Variants in PWWP3A observed in about 807,000 individuals in gnomAD.
PWWP3A encodes PWWP domain-containing DNA repair factor 3A.
Under a neutral mutation model 79.0 loss-of-function variants are expected in PWWP3A, and 53 were observed. The ratio of observed to expected loss-of-function variants is 0.67; its 90% CI spans 0.54 to 0.84. The LOEUF (loss-of-function observed/expected upper bound fraction) is 0.84. PWWP3A is among the 40% of genes least tolerant of loss of function. The pLI is 0.00. For synonymous variants in PWWP3A, 443 were observed against 394.4 expected, an observed-to-expected ratio of 1.12 and a Z score of -1.46; for missense variants, 973 against 948.0, an observed-to-expected ratio of 1.03 and a Z score of -0.35.
At chr19:1,374,212 C>G (rs555222321) in intron 13 of PWWP3A, 1 of 151,980 alleles carries the variant, frequency 6.6e-6, no homozygotes, top group African/African-American at 2.4e-5. Flanking sequence ...TCTGGGTTGC[C>G]GACATCAAAA....
chr19:1,368,905 ACCTGCGTTCAGACCAGCCCAAGCCATCG>A lies in PWWP3A; in HGVS notation c.1423-359_1423-332del, dbSNP rs2082187989. Among the ~76,000 whole-genome samples, 4 of 138,402 alleles carry A rather than the reference ACCTGCGTTCAGACCAGCCCAAGCCATCG, an allele frequency of 2.9e-5. No individual in the cohort carries two copies. The highest frequency in any genetic ancestry group is 8.5e-5 in the African/African-American group (3 of 35,130). The allele number at this position is 138,402 out of a possible 152,430, so 90.8% of individuals were successfully genotyped here. On this transcript the variant is annotated intron_variant, in intron 9 of 13. Coordinates refer to ENST00000591337, the MANE Select transcript of PWWP3A (RefSeq NM_001369789.1). The surrounding 1 kb of genome is among the most constrained non-coding windows in gnomAD (Gnocchi z 4.7). ...CCAAGCCATCGGGTCCCCGGTGCCC[ACCTGCGTTCAGACCAGCCCAAGCCATCG>A]GGTCCCCGGTGCCCACCTGCGTTCA...
At position 1,360,342 on chromosome 19, in the gene PWWP3A, G is replaced by A. The variant is rs779883931; in HGVS notation, c.421G>A (p.Gly141Arg). 1.6e-5 allele frequency: 26 copies of A among 1,614,140 alleles called. No individual in the cohort carries two copies. Among genetic ancestry groups the A allele is most frequent in the Non-Finnish European group, 2.0e-5 (24 of 1,180,008 alleles). Residue 141 changes from glycine to arginine, a missense_variant, in exon 5 of 14, where the codon GGA (glycine) becomes AGA (arginine). Transcript: ENST00000591337. The surrounding 1 kb of genome is among the most constrained non-coding windows in gnomAD (Gnocchi z 4.4). ...TTCGAACTCCTCATCTCTTCCCCGCGGAGACGTGTTGGGCAGTTCCAGACC... is the reference window on the plus strand; with the variant it reads ...TTCGAACTCCTCATCTCTTCCCCGCAGAGACGTGTTGGGCAGTTCCAGACC... ...CDSNSSSLPR[G>R]DVLGSSRPHR...
At chr19:1,376,286 C>T (rs1401734280) in intron 13 of PWWP3A, among the ~76,000 whole-genome samples, 3 of 134,960 alleles carry the variant, frequency 2.2e-5, no homozygotes, top group Non-Finnish European at 4.7e-5. Context: ...CCACCACGCC[C>T]GGCTGTTTGT....
At chr19:1,356,285 C>T in intron 1 of PWWP3A, 39 bp from the exon 2 acceptor site, 1 of 1,092,210 alleles carries the variant, frequency 9.2e-7, no homozygotes, top group Non-Finnish European at 1.4e-6. Flanking sequence ...ACATCGCCAG[C>T]AAACAGTTGT....
intron 4 of PWWP3A, 178 bp downstream of exon 4, chr19:1,358,642 A>G (rs761385359): frequency 1.3e-6 from 2 of 1,535,684 alleles, no homozygotes; most frequent in South Asian, 2.4e-5. Flanking sequence ...GCTTTCTTAA[A>G]CCTTTCCAGA....
intron 6 of PWWP3A, among the ~76,000 whole-genome samples, chr19:1,362,755 A>T (rs1245150302): frequency 1.3e-5 from 2 of 152,206 alleles, no homozygotes; most frequent in Admixed American, 1.3e-4. Flanking sequence ...GGGGCTGTCC[A>T]GGGAGGCAGG....
intron 13 of PWWP3A, 103 bp downstream of exon 13, chr19:1,373,263 T>C: frequency 9.8e-7 from 1 of 1,024,318 alleles, no homozygotes. Flanking sequence ...GCAGCCCCTC[T>C]CCCTCATGAG....
At chr19:1,357,565 C>T (rs371730349) in intron 3 of PWWP3A, 6 of 153,628 alleles carry the variant, frequency 3.9e-5, no homozygotes, top group East Asian at 3.8e-4. Context: ...CAGCGTTTAA[C>T]GTTCAAAAGG....
At chr19:1,358,499 CATAAA>C (rs1307495403) in intron 4 of PWWP3A, 35 bp downstream of exon 4, 7 of 1,610,820 alleles carry the variant, frequency 4.3e-6, no homozygotes, top group Non-Finnish European at 5.1e-6. Context: ...ACTAGGTTTT[CATAAA>C]ATAAGAGGTC....
In PWWP3A at chr19:1,376,728, C is replaced by T; in HGVS notation, c.*152C>T. 7.0e-6 allele frequency: 4 copies of T among 574,078 alleles called. No homozygotes were observed. The highest frequency in any genetic ancestry group is 2.4e-5 in the South Asian group (1 of 41,732). 35.6% of individuals were successfully genotyped at this position (574,078 alleles called of 1,614,324 possible). A position where few individuals can be genotyped will look rare whatever the true frequency, so the allele number is the denominator to read the frequency against. On this transcript the variant is annotated 3_prime_UTR_variant, in exon 14 of 14. Transcript: ENST00000591337. ...CGTGGCAGTCCTGATTTCCATGCTT[C>T]TGGAGAATCCATTTCGTTAACACTG...
At position 1,358,774 on chromosome 19, in the gene PWWP3A, G is replaced by A. The variant is rs145541401; in HGVS notation, c.214+310G>A. On this transcript the variant is annotated intron_variant, in intron 4 of 13. Transcript: ENST00000591337. ...CGAGGAAGGACTTTGCTGCCATAAG[G>A]GGGGAGGTCCTCCTTTTTCCTTTCC... The A allele has an allele frequency of 3.2e-5, 30 of 946,898 alleles. 1 individual carries two copies. Among genetic ancestry groups the A allele is most frequent in the Non-Finnish European group, 3.1e-6 (2 of 642,020 alleles). The allele number at this position is 946,898 out of a possible 1,614,324, so 58.7% of individuals were successfully genotyped here. A position where few individuals can be genotyped will look rare whatever the true frequency, so the allele number is the denominator to read the frequency against.
At chr19:1,363,423 C>T (rs1381075030) in intron 6 of PWWP3A, among the ~76,000 whole-genome samples, 2 of 152,218 alleles carry the variant, frequency 1.3e-5, no homozygotes, top group African/African-American at 4.8e-5. Flanking sequence ...GTCCCAGGAC[C>T]GCAGGTGCTG....
chr19:1,358,354 C>A lies in PWWP3A; in HGVS notation c.144-40C>A, dbSNP rs774300679. 4.6e-6 allele frequency: 7 copies of A among 1,531,540 alleles called. No homozygotes were observed. In the Middle Eastern group the frequency reaches 5.1e-4, roughly 111 times the overall value. 94.9% of individuals were successfully genotyped at this position (1,531,540 alleles called of 1,614,324 possible). On this transcript the variant is annotated intron_variant, in intron 3 of 13. Coordinates refer to ENST00000591337, the MANE Select transcript of PWWP3A (RefSeq NM_001369789.1). ...AACATGTTTGAAAATGTCTTGGCGG[C>A]GTTGGCTGGTGGTGTGTAACGTCGA...
At position 1,370,848 on chromosome 19, in the gene PWWP3A, G is replaced by A. The variant is rs748701501; in HGVS notation, c.1756G>A (p.Glu586Lys). The change falls in exon 12 of 14, where the codon GAG becomes AAG. Residue 586 changes from glutamate to lysine, a missense_variant. Transcript: ENST00000591337. Reference sequence around the variant, plus strand: ...GTACATTGTGAAGGCCAAGGGCGCGGAGAGCCACCTGCGGGCCATCCTAAA... The same window carrying A: ...GTACATTGTGAAGGCCAAGGGCGCGAAGAGCCACCTGCGGGCCATCCTAAA... ...VEYIVKAKGA[E>K]SHLRAILKSR... The A allele has an allele frequency of 5.1e-6, 8 of 1,568,416 alleles. No individual in the cohort carries two copies. Among genetic ancestry groups the A allele is most frequent in the Non-Finnish European group, 6.9e-6 (8 of 1,156,656 alleles).
rs2082247021 is a variant in PWWP3A at position 1,371,074 on chromosome 19, C to T, written c.1982C>T (p.Pro661Leu). The T allele has an allele frequency of 6.4e-7, 1 of 1,559,202 alleles. No homozygotes were observed. Among genetic ancestry groups the T allele is most frequent in the Non-Finnish European group, 8.7e-7 (1 of 1,151,136 alleles). ...CGGTTCATTCTGGACGTGCTTCTGC[C>T]CGAGGTGAGCCGCGGACCGGCGTGT... ...RIRFILDVLL[P>L]EAIICAISAV... The change falls in exon 12 of 14, where the codon CCC becomes CTC. Residue 661 changes from proline to leucine, a missense_variant. Pro to Leu is a moderately conservative substitution (Grantham distance 98). Transcript: ENST00000591337.
At chr19:1,364,935 A>G (rs2082096624) in intron 7 of PWWP3A, among the ~76,000 whole-genome samples, 4 of 152,162 alleles carry the variant, frequency 2.6e-5, no homozygotes, top group Admixed American at 6.5e-5. Flanking sequence ...CCTGGCCAAC[A>G]TGGTGAAACC....
chr19:1,361,030 A>C lies in PWWP3A; in HGVS notation c.1109A>C (p.Lys370Thr). 7.0e-7 allele frequency: 1 copy of C among 1,426,938 alleles called. No individual in the cohort carries two copies. Among genetic ancestry groups the C allele is most frequent in the Non-Finnish European group, 9.2e-7 (1 of 1,088,050 alleles). The allele number at this position is 1,426,938 out of a possible 1,614,324, so 88.4% of individuals were successfully genotyped here. A position where few individuals can be genotyped will look rare whatever the true frequency, so the allele number is the denominator to read the frequency against. Residue 370 changes from lysine to threonine, a missense_variant and splice_region_variant, in exon 5 of 14, where the codon AAA becomes ACA. Coordinates refer to ENST00000591337, the MANE Select transcript of PWWP3A (RefSeq NM_001369789.1). The stretch of plus-strand genomic sequence containing the variant: ...TGCCCGGATTCCCAGAAGCTGGAGA[A>C]AGGTAAAAGTTTCTCGTGGAGGAGG... Reference protein sequence around the residue: ...LPCPDSQKLEKECQSSEESMG... With the variant: ...LPCPDSQKLETECQSSEESMG...
chr19:1,374,958 C>T (rs1029069590), intron 13 of PWWP3A, among the ~76,000 whole-genome samples: 20 of 151,726 alleles, frequency 1.3e-4, no homozygotes, highest in African/African-American at 4.4e-4. Context: ...CGGTTGCTCA[C>T]GCCCATAATC....
chr19:1,377,859 C>G lies in PWWP3A; in HGVS notation c.*1283C>G, dbSNP rs2082432845. The G allele has an allele frequency of 6.6e-6, 1 of 152,282 alleles. No homozygotes were observed. Among genetic ancestry groups the G allele is most frequent in the Non-Finnish European group, 1.5e-5 (1 of 68,074 alleles). 9.4% of individuals were successfully genotyped at this position (152,282 alleles called of 1,614,324 possible). On this transcript the variant is annotated 3_prime_UTR_variant, in exon 14 of 14. Transcript: ENST00000591337. The stretch of plus-strand genomic sequence containing the variant: ...GCCCTCCCCAGCCGACGACAGCCAC[C>G]GGAGAGGAGATCGGAACACGATTGT...
Sources: gnomAD v4.1 joint callset for allele counts (sites outside exome capture counted in the v4.1 genomes callset) on GRCh38, gnomAD v4.1.1 for gene constraint, Gnocchi (gnomAD v3.1) non-coding constraint, MANE v1.5 for transcripts, NCBI Gene and HGNC (gene_info 2026-07-23, HGNC 2026-07-21) for gene names.